The following KIF6 variants were observed in gnomAD, a reference collection of about 807,000 sequenced individuals.
KIF6 encodes kinesin family member 6.
KIF6 carries 106 observed loss-of-function variants against 112.7 expected under a neutral mutation model. The observed-to-expected ratio is 0.94, with a 90% CI of 0.80 to 1.11. KIF6 has a LOEUF of 1.11. Ranked by LOEUF, KIF6 falls within the 50% of genes least tolerant of loss-of-function variation. KIF6 has a pLI of 0.00. For synonymous variants in KIF6, 339 were observed against 339.9 expected (o/e 1.00, Z 0.03); for missense variants, 929 against 964.0 (o/e 0.96, Z 0.48).
At chr6:39,375,446 G>T (rs537797323) in intron 16 of KIF6, among the ~76,000 whole-genome samples, 1 of 152,114 alleles carries the variant, frequency 6.6e-6, no homozygotes, top group Admixed American at 6.5e-5. Flanking sequence ...ACATCACAAT[G>T]TACCCCCAAA....
intron 13 of KIF6, among the ~76,000 whole-genome samples, chr6:39,521,324 G>A (rs978078822): frequency 6.6e-6 from 1 of 152,178 alleles, no homozygotes; most frequent in African/African-American, 2.4e-5. Context: ...GTGTCTGTAT[G>A]TTACCTCTAG....
chr6:39,369,200 C>T (rs923734715), intron 16 of KIF6, among the ~76,000 whole-genome samples: 3 of 152,178 alleles, frequency 2.0e-5, no homozygotes, highest in Admixed American at 6.5e-5. Flanking sequence ...TTTAATGGCT[C>T]AAATTTACTG....
chr6:39,622,782 T>G (rs995617438), intron 5 of KIF6, among the ~76,000 whole-genome samples: 1 of 152,194 alleles, frequency 6.6e-6, no homozygotes, highest in African/African-American at 2.4e-5. Context: ...GGTGCCTGTT[T>G]CCTTCCAGAA....
chr6:39,489,882 A>G (rs1265759490), intron 13 of KIF6, among the ~76,000 whole-genome samples: 1 of 152,240 alleles, frequency 6.6e-6, no homozygotes, highest in Non-Finnish European at 1.5e-5. Flanking sequence ...CAGAAAGCAG[A>G]AAATATATTC....
chr6:39,346,586 G>T, intron 19 of KIF6, 60 bp from the exon 20 acceptor site: 1 of 652,340 alleles, frequency 1.5e-6, no homozygotes, highest in Non-Finnish European at 2.8e-6. Flanking sequence ...TGTTATAGCA[G>T]CCTGAGCAGA....
intron 20 of KIF6, among the ~76,000 whole-genome samples, chr6:39,346,102 CCCCCCT>C (rs1562113084): frequency 5.0e-4 from 21 of 41,690 alleles, no homozygotes; most frequent in South Asian, 2.5e-3. Flanking sequence ...CCTCTCCCTC[CCCCCCT>C]CCCTCTCCCT....
At chr6:39,349,760 C>T (rs896474035) in intron 19 of KIF6, among the ~76,000 whole-genome samples, 2 of 149,832 alleles carry the variant, frequency 1.3e-5, no homozygotes, top group Admixed American at 6.7e-5. Context: ...CTTCTGCCTC[C>T]GCCTCCTGAG....
intron 16 of KIF6, among the ~76,000 whole-genome samples, chr6:39,372,745 C>A (rs1210082337): frequency 6.6e-6 from 1 of 152,176 alleles, no homozygotes; most frequent in Admixed American, 6.5e-5. Context: ...TCACTCTACC[C>A]TTTCTCCTGG....
chr6:39,445,331 G>T (rs2150400696), intron 13 of KIF6, among the ~76,000 whole-genome samples: 1 of 152,276 alleles, frequency 6.6e-6, no homozygotes, highest in African/African-American at 2.4e-5. Flanking sequence ...CATCCAGGAG[G>T]TGATCCTTTA....
chr6:39,510,185 C>G (rs550625934), intron 13 of KIF6, among the ~76,000 whole-genome samples: 17 of 151,548 alleles, frequency 1.1e-4, no homozygotes, highest in African/African-American at 3.4e-4. Context: ...GCTCCGCCTT[C>G]CGGGTTCATG....
intron 13 of KIF6, among the ~76,000 whole-genome samples, chr6:39,497,616 G>A (rs765018239): frequency 6.6e-6 from 1 of 152,156 alleles, no homozygotes; most frequent in African/African-American, 2.4e-5. Flanking sequence ...ACATTACAAC[G>A]TGAGAAATTT....
chr6:39,494,021 C>T (rs940413376), intron 13 of KIF6, among the ~76,000 whole-genome samples: 10 of 152,172 alleles, frequency 6.6e-5, no homozygotes, highest in Non-Finnish European at 1.5e-4. Flanking sequence ...TAAGAAGTTT[C>T]TTGATATTCT....
Position 39,596,044 on chromosome 6 carries a change from C to G in KIF6, c.846+10G>C. 4 of 1,607,202 alleles carry G rather than the reference C, an allele frequency of 2.5e-6. No individual in the cohort carries two copies. The highest frequency in any genetic ancestry group is 3.4e-6 in the Non-Finnish European group (4 of 1,173,868). The stretch of plus-strand genomic sequence containing the variant: ...ATAGTTATTAATACATCCCACTCTG[C>G]CCATTTTACCTGTTCTAAGTAATGT... On this transcript the variant is annotated intron_variant, in intron 7 of 22. Coordinates refer to ENST00000287152, the MANE Select transcript of KIF6 (RefSeq NM_145027.6).
intron 2 of KIF6, 93 bp from the exon 3 acceptor site, chr6:39,714,859 C>T (rs1244603193): frequency 2.4e-6 from 2 of 842,860 alleles, no homozygotes; most frequent in African/African-American, 3.4e-5. Flanking sequence ...CTATTAATTA[C>T]CCCATATTTA....
intron 10 of KIF6, among the ~76,000 whole-genome samples, chr6:39,558,298 CATT>C: frequency 6.6e-6 from 1 of 152,148 alleles, no homozygotes; most frequent in South Asian, 2.1e-4. Context: ...ACTATTTCTG[CATT>C]TGTTTATCCA....
In KIF6 at chr6:39,434,757, C is replaced by T. The variant is rs967839872; in HGVS notation, c.1646-3596G>A. Among the ~76,000 whole-genome samples the T allele has an allele frequency of 8.5e-5, 13 of 152,130 alleles. No individual in the cohort carries two copies. The East Asian group carries it at 2.5e-3, about 29-fold the overall frequency. On this transcript the variant is annotated intron_variant, in intron 13 of 22. Coordinates refer to ENST00000287152, the MANE Select transcript of KIF6 (RefSeq NM_145027.6). ...CTGCAAGCAGGAGGGAGCAAGTGAA[C>T]TTCATCTAGAAGGATCTGAAGGATG...
chr6:39,427,587 A>T (rs556892976), intron 14 of KIF6, among the ~76,000 whole-genome samples: 9 of 152,254 alleles, frequency 5.9e-5, no homozygotes, highest in African/African-American at 1.4e-4. Flanking sequence ...AGAAATTTTT[A>T]AAAAAATATG....
intron 6 of KIF6, 108 bp from the exon 7 acceptor site, chr6:39,596,368 A>C: frequency 1.3e-6 from 1 of 778,296 alleles, no homozygotes; most frequent in South Asian, 1.8e-5. Flanking sequence ...CCATGAAGCC[A>C]ACTGTCAACT....
At chr6:39,583,674 CTTTTTTTTTTT>C (rs564229262) in intron 9 of KIF6, among the ~76,000 whole-genome samples, 132 of 71,702 alleles carry the variant, frequency 1.8e-3, no homozygotes, top group African/African-American at 3.7e-3. Context: ...GATTTCACTT[CTTTTTTTTTTT>C]TTTTTTTTTT....
Sources: allele counts gnomAD v4.1 joint callset (sites outside exome capture counted in the v4.1 genomes callset), GRCh38; gene constraint gnomAD v4.1.1; transcripts MANE v1.5; gene names NCBI Gene and HGNC (gene_info 2026-07-23, HGNC 2026-07-21).